NEDD4: variants seen among roughly 807,000 people sequenced by gnomAD.
NEDD4 encodes NEDD4 E3 ubiquitin protein ligase, also known as E3 ubiquitin-protein ligase NEDD4.
In NEDD4, 99 loss-of-function variants were observed where a neutral mutation model predicts 144.9. The observed-to-expected ratio is 0.68, with a 90% CI of 0.58 to 0.81. The LOEUF (loss-of-function observed/expected upper bound fraction) is 0.81, where lower values mean the gene tolerates loss of function less well. Among genes scored for constraint, NEDD4 ranks in the 30% least tolerant of loss-of-function variants. NEDD4 has a pLI of 0.00. For missense variants in NEDD4, 985 were observed against 1,065.9 expected (o/e 0.92, Z 1.06); for synonymous variants, 318 against 350.6 (o/e 0.91, Z 1.04).
At chr15:55,962,996 G>C (rs1374135744) in intron 2 of NEDD4, among the ~76,000 whole-genome samples, 1 of 151,890 alleles carries the variant, frequency 6.6e-6, no homozygotes, top group Non-Finnish European at 1.5e-5. Context: ...TGTTGGCCAG[G>C]CTGGTCTCAA....
At chr15:55,868,147 G>T (rs2034650051) in intron 8 of NEDD4, among the ~76,000 whole-genome samples, 1 of 151,908 alleles carries the variant, frequency 6.6e-6, no homozygotes, top group South Asian at 2.1e-4. Flanking sequence ...TTCCCAGAAA[G>T]CTCTGCTGCA....
rs191618132 is a variant in NEDD4 at position 55,835,340 on chromosome 15, C to G, written c.2263-1054G>C. Among the ~76,000 whole-genome samples, 1,294 of 151,272 alleles carry G rather than the reference C, an allele frequency of 8.6e-3. 8 individuals are homozygous for G. The highest frequency in any genetic ancestry group is 0.012 in the Non-Finnish European group (790 of 67,900). On this transcript the variant is annotated intron_variant, in intron 24 of 28. Transcript: ENST00000435532. ...TATGATATGATTAAAACCATCTTTTCTATTGAAACTCTGTCTACTCTTGAT... is the reference window on the plus strand; with the variant it reads ...TATGATATGATTAAAACCATCTTTTGTATTGAAACTCTGTCTACTCTTGAT...
chr15:55,843,794 G>A (rs757680293), intron 18 of NEDD4, among the ~76,000 whole-genome samples: 2 of 152,066 alleles, frequency 1.3e-5, no homozygotes, highest in Admixed American at 6.6e-5. Context: ...ACTTTAGACT[G>A]GATACTAGGC....
intron 5 of NEDD4, among the ~76,000 whole-genome samples, chr15:55,904,382 A>G (rs1217808103): frequency 6.6e-6 from 1 of 151,864 alleles, no homozygotes; most frequent in Non-Finnish European, 1.5e-5. Context: ...GGCTCACTGC[A>G]ACCTCCGCCT....
chr15:55,981,007 A>C lies in NEDD4; in HGVS notation c.45+12504T>G, dbSNP rs1455540339. Among the ~76,000 whole-genome samples, 6 of 152,116 alleles carry C rather than the reference A, an allele frequency of 3.9e-5. No homozygotes were observed. The East Asian group carries it at 9.6e-4, about 24-fold the overall frequency. ...AAGGTAAAAACAAAATATTCAACAAAAAAAAATTGCTAGGGAGGGATGCAT... is the reference window on the plus strand; with the variant it reads ...AAGGTAAAAACAAAATATTCAACAACAAAAAATTGCTAGGGAGGGATGCAT... On this transcript the variant is annotated intron_variant, in intron 1 of 28. Coordinates refer to ENST00000435532, the MANE Select transcript of NEDD4 (RefSeq NM_006154.4).
At chr15:55,948,305 G>C (rs1595868306) in intron 4 of NEDD4, among the ~76,000 whole-genome samples, 1 of 152,066 alleles carries the variant, frequency 6.6e-6, no homozygotes, top group Non-Finnish European at 1.5e-5. Flanking sequence ...AATAAAAGAG[G>C]ACACAAACAA....
chr15:55,842,094 T>C lies in NEDD4; in HGVS notation c.1678A>G (p.Ile560Val), dbSNP rs1043150661. 6 of 1,614,196 alleles carry C rather than the reference T, an allele frequency of 3.7e-6. No individual in the cohort carries two copies. The highest frequency in any genetic ancestry group is 8.5e-7 in the Non-Finnish European group (1 of 1,180,026). The change falls in exon 19 of 29, where the codon ATT becomes GTT. Residue 560 changes from isoleucine to valine, a missense_variant. Transcript: ENST00000435532. ...ATVLEDSYRR[I>V]MGVKRADFLK... is the part of the protein sequence containing the mutation. Reference sequence around the variant, plus strand: ...AAGTCTGCTCTCTTGACACCCATAATTCTCCGGTAAGAGTCTTCAAGAACA... The same window carrying C: ...AAGTCTGCTCTCTTGACACCCATAACTCTCCGGTAAGAGTCTTCAAGAACA...
rs982907898 is a variant in NEDD4 at position 55,993,599 on chromosome 15, G to A, written c.-44C>T. ...AACCGGACGCGCTCGCCCCCGCCCA[G>A]GGCAGGCAACTGTGGAGGAGGAGGA... On this transcript the variant is annotated 5_prime_UTR_variant, in exon 1 of 29. Transcript: ENST00000435532. The A allele has an allele frequency of 1.5e-5, 23 of 1,583,286 alleles. No individual in the cohort carries two copies. The highest frequency in any genetic ancestry group is 3.4e-5 in the South Asian group (3 of 87,944).
chr15:55,963,440 T>A (rs2037458936), intron 2 of NEDD4, among the ~76,000 whole-genome samples: 1 of 152,166 alleles, frequency 6.6e-6, no homozygotes, highest in South Asian at 2.1e-4. Flanking sequence ...CTATAATTCT[T>A]TGCATTATTT....
rs190724263 is a variant in NEDD4 at position 55,902,955 on chromosome 15, C to G, written c.291+21691G>C. Among the ~76,000 whole-genome samples the G allele has an allele frequency of 2.1e-3, 314 of 152,142 alleles. 2 individuals are homozygous for G. Among genetic ancestry groups the G allele is most frequent in the Non-Finnish European group, 2.0e-3 (139 of 67,986 alleles). On this transcript the variant is annotated intron_variant, in intron 5 of 28. Transcript: ENST00000435532. ...AGTGGAGGTTGCAGTGAACCGAGAT[C>G]GTGCTATTGCATTCCAGCCTGGGTG...
At position 55,838,560 on chromosome 15, in the gene NEDD4, G is replaced by A; in HGVS notation, c.2076C>T (p.Asp692=). The A allele has an allele frequency of 1.9e-6, 3 of 1,612,692 alleles. No individual in the cohort carries two copies. The highest frequency in any genetic ancestry group is 1.1e-5 in the South Asian group (1 of 91,054). The change falls in exon 22 of 29, where the codon GAC becomes GAT. Residue 692 remains aspartate, a synonymous_variant. Coordinates refer to ENST00000435532, the MANE Select transcript of NEDD4 (RefSeq NM_006154.4). ...TAAACCTGAGGTCCAATTCTGTTGG[G>A]TCATTTTCAAGAATCCATCTTAGGG... ...YNSLRWILEN[D]PTELDLRFII...
intron 5 of NEDD4, among the ~76,000 whole-genome samples, chr15:55,876,740 T>C (rs2035007904): frequency 6.6e-6 from 1 of 152,162 alleles, no homozygotes; most frequent in African/African-American, 2.4e-5. Context: ...ACTAGTCCAA[T>C]TAAAGACAGA....
intron 5 of NEDD4, among the ~76,000 whole-genome samples, chr15:55,907,616 G>GC (rs2142179620): frequency 6.6e-6 from 1 of 152,294 alleles, no homozygotes; most frequent in South Asian, 2.1e-4. Context: ...TTTCCAGTAA[G>GC]CTCTGTGACT....
At chr15:55,846,827 A>G (rs1294529490) in intron 18 of NEDD4, 142 bp downstream of exon 18, 1 of 502,802 alleles carries the variant, frequency 2.0e-6, no homozygotes, top group Non-Finnish European at 3.6e-6. Flanking sequence ...CTACTCAAAA[A>G]ATGAGCATCC....
chr15:55,953,672 C>A (rs2037285758), intron 2 of NEDD4, among the ~76,000 whole-genome samples: 1 of 152,066 alleles, frequency 6.6e-6, no homozygotes, highest in Admixed American at 6.6e-5. Context: ...AAACTCTTGA[C>A]CTCAGGTGAT....
At chr15:55,981,872 G>A (rs1304256080) in intron 1 of NEDD4, among the ~76,000 whole-genome samples, 2 of 152,210 alleles carry the variant, frequency 1.3e-5, no homozygotes, top group African/African-American at 4.8e-5. Context: ...GAAAACTGCT[G>A]CAGTTAACGT....
intron 5 of NEDD4, among the ~76,000 whole-genome samples, chr15:55,889,926 C>T (rs2035512931): frequency 6.6e-6 from 1 of 152,096 alleles, no homozygotes. Context: ...TGGTCTCAAA[C>T]TCCTGAGCTC....
chr15:55,985,846 T>A (rs564976494), intron 1 of NEDD4, among the ~76,000 whole-genome samples: 1 of 151,776 alleles, frequency 6.6e-6, no homozygotes, highest in Non-Finnish European at 1.5e-5. Context: ...GCACACCAAG[T>A]ACCCAAATTG....
At chr15:55,884,574 C>T (rs1463494873) in intron 5 of NEDD4, among the ~76,000 whole-genome samples, 2 of 151,860 alleles carry the variant, frequency 1.3e-5, no homozygotes, top group African/African-American at 2.4e-5. Context: ...ATTCAGAATC[C>T]TGTCAGATAA....
Sources: gnomAD v4.1 joint callset for allele counts (sites outside exome capture counted in the v4.1 genomes callset) on GRCh38, gnomAD v4.1.1 for gene constraint, MANE v1.5 for transcripts, NCBI Gene and HGNC (gene_info 2026-07-23, HGNC 2026-07-21) for gene names.